RIMS1: variants seen among roughly 807,000 people sequenced by gnomAD.
RIMS1 encodes regulating synaptic membrane exocytosis protein 1.
A neutral mutation model predicts 214.1 loss-of-function variants in RIMS1; 83 were observed. The ratio of observed to expected loss-of-function variants is 0.39; its 90% confidence interval spans 0.32 to 0.47. RIMS1 has a LOEUF of 0.47. Ranked by LOEUF, RIMS1 falls within the 20% of genes least tolerant of loss-of-function variation. The probability of loss-of-function intolerance (pLI) is 0.99; values close to 1 mark genes in which losing one functional copy is unlikely to be tolerated. For synonymous variants in RIMS1, 793 were observed against 786.8 expected (o/e 1.01, Z -0.13); for missense variants, 2,050 against 2,161.8 (o/e 0.95, Z 1.03).
intron 19 of RIMS1, chr6:72,261,631 A>G: frequency 2.0e-6 from 2 of 985,324 alleles, no homozygotes; most frequent in Non-Finnish European, 2.4e-6. Flanking sequence ...ATTTTAGCCA[A>G]TAAAAAGCAA....
At chr6:72,188,004 G>A (rs894952281) in intron 6 of RIMS1, among the ~76,000 whole-genome samples, 2 of 152,200 alleles carry the variant, frequency 1.3e-5, no homozygotes, top group Admixed American at 1.3e-4. Flanking sequence ...GTGTTGGAGG[G>A]CAGGAAACAT....
At chr6:72,015,033 G>A (rs1015865088) in intron 2 of RIMS1, among the ~76,000 whole-genome samples, 1 of 152,064 alleles carries the variant, frequency 6.6e-6, no homozygotes, top group Non-Finnish European at 1.5e-5. Context: ...GACCAGAAGG[G>A]TTTTGCATTT....
intron 7 of RIMS1, among the ~76,000 whole-genome samples, chr6:72,234,915 T>C (rs2063434527): frequency 1.3e-5 from 2 of 152,116 alleles, no homozygotes; most frequent in South Asian, 4.1e-4. Context: ...TTTATGTTTG[T>C]TTTTATCACT....
intron 12 of RIMS1, among the ~76,000 whole-genome samples, chr6:72,248,839 T>C (rs1321812169): frequency 2.0e-5 from 3 of 152,200 alleles, no homozygotes; most frequent in Non-Finnish European, 4.4e-5. Flanking sequence ...AGAGAAGATA[T>C]ATGTAAGCTT....
chr6:72,307,980 C>T lies in RIMS1; in HGVS notation c.3963+610C>T, dbSNP rs190594388. On this transcript the variant is annotated intron_variant, in intron 27 of 33. Transcript: ENST00000521978. The stretch of plus-strand genomic sequence containing the variant: ...ACATAAATAAGCAAGATATATGAAG[C>T]CATTTTGTTGCTTGAACATTATTTA... 2.7e-3 allele frequency among the ~76,000 whole-genome samples: 407 copies of T among 151,868 alleles called. 1 individual carries two copies. Among genetic ancestry groups the T allele is most frequent in the Middle Eastern group, 6.8e-3 (2 of 294 alleles).
intron 2 of RIMS1, among the ~76,000 whole-genome samples, chr6:72,016,783 T>A (rs910304448): frequency 5.9e-5 from 9 of 152,194 alleles, no homozygotes; most frequent in African/African-American, 2.2e-4. Context: ...CAGTTGTACA[T>A]TTATGTGAAC....
intron 27 of RIMS1, among the ~76,000 whole-genome samples, chr6:72,308,077 T>C (rs2095319810): frequency 6.6e-6 from 1 of 152,142 alleles, no homozygotes; most frequent in Non-Finnish European, 1.5e-5. Flanking sequence ...ATTTGACTAT[T>C]GATATTTGTG....
chr6:72,119,212 A>G (rs2037710327), intron 4 of RIMS1, among the ~76,000 whole-genome samples: 1 of 151,616 alleles, frequency 6.6e-6, no homozygotes, highest in Admixed American at 6.6e-5. Flanking sequence ...AAAGACCTCA[A>G]TCCCTTTCAC....
intron 23 of RIMS1, among the ~76,000 whole-genome samples, chr6:72,274,941 T>C (rs1474991307): frequency 6.6e-6 from 1 of 151,548 alleles, no homozygotes; most frequent in East Asian, 1.9e-4. Context: ...ATAAATATTG[T>C]ATTGTTAAAC....
At chr6:71,900,568 G>T (rs1773290514) in intron 1 of RIMS1, among the ~76,000 whole-genome samples, 1 of 152,022 alleles carries the variant, frequency 6.6e-6, no homozygotes, top group African/African-American at 2.4e-5. Flanking sequence ...CAGAAACTTT[G>T]GTGGTGATGG....
chr6:72,338,385 A>G (rs531171481), intron 29 of RIMS1, among the ~76,000 whole-genome samples: 17 of 152,056 alleles, frequency 1.1e-4, no homozygotes, highest in East Asian at 3.9e-4. Context: ...AACCTAGGCA[A>G]TGCCATTCAG....
Position 72,369,745 on chromosome 6 carries a change from A to C in RIMS1, c.4367-20853A>C, listed in dbSNP as rs1161911567. Among the ~76,000 whole-genome samples the C allele has an allele frequency of 2.0e-5, 3 of 152,248 alleles. No individual in the cohort carries two copies. The East Asian group carries it at 5.8e-4, about 29-fold the overall frequency. On this transcript the variant is annotated intron_variant, in intron 29 of 33. Transcript: ENST00000521978. ...GATTGAAACCCCCAATTAACTGGCA[A>C]CAGTAGCCTGGCCAAGTTGACACAT... is the stretch of plus-strand genomic sequence containing the variant.
At chr6:72,004,380 T>C (rs1253736404) in intron 2 of RIMS1, among the ~76,000 whole-genome samples, 1 of 152,152 alleles carries the variant, frequency 6.6e-6, no homozygotes, top group Non-Finnish European at 1.5e-5. Flanking sequence ...TTTGGGTATA[T>C]ACCCAGTAAT....
chr6:72,013,986 G>A (rs985675634), intron 2 of RIMS1, among the ~76,000 whole-genome samples: 1 of 151,916 alleles, frequency 6.6e-6, no homozygotes. Flanking sequence ...CACAATATAT[G>A]GTCTTTTATG....
rs2098840948 is a variant in RIMS1, at chr6:72,402,495, C to A, written c.*1781C>A. 1 of 152,576 alleles carries A rather than the reference C, an allele frequency of 6.6e-6. No individual in the cohort carries two copies. The highest frequency in any genetic ancestry group is 1.9e-4 in the East Asian group (1 of 5,192). The allele number at this position is 152,576 out of a possible 1,614,324, so 9.5% of individuals were successfully genotyped here. Reference sequence around the variant, plus strand: ...AACACATGTAGACACTGTGTACACACTAGGTTTTAATTCATAGACATACTG... The same window carrying A: ...AACACATGTAGACACTGTGTACACAATAGGTTTTAATTCATAGACATACTG... On this transcript the variant is annotated 3_prime_UTR_variant, in exon 34 of 34. Transcript: ENST00000521978.
Position 72,179,662 on chromosome 6 carries a change from A to G in RIMS1, c.559A>G (p.Thr187Ala). 6.2e-7 allele frequency: 1 copy of G among 1,613,996 alleles called. No individual in the cohort carries two copies. Among genetic ancestry groups the G allele is most frequent in the Non-Finnish European group, 8.5e-7 (1 of 1,179,878 alleles). ...AWFFGSGPQQ[T>A]SQDGTLSDTA... The stretch of plus-strand genomic sequence containing the variant: ...GTTCTTTGGAAGTGGCCCTCAGCAG[A>G]CAAGTCAGGATGGAACCCTGAGTGA... The change falls in exon 5 of 34, where the codon ACA becomes GCA. Residue 187 changes from threonine (T) to alanine (A), a missense_variant. By Grantham distance (58) the Thr-to-Ala change is moderately conservative. Around this residue, in one of 6 missense-constraint regions of RIMS1, gnomAD observed 882 missense variants for 828.9 expected, o/e 1.06. Coordinates refer to ENST00000521978, the MANE Select transcript of RIMS1 (RefSeq NM_014989.7).
At chr6:71,928,735 T>A (rs1321971455) in intron 1 of RIMS1, among the ~76,000 whole-genome samples, 1 of 152,128 alleles carries the variant, frequency 6.6e-6, no homozygotes, top group Non-Finnish European at 1.5e-5. Context: ...CATATTAGAT[T>A]TTAAAAGTCT....
chr6:72,271,275 AAAAAAAAAAAAATATAT>A (rs2083000433), intron 22 of RIMS1, among the ~76,000 whole-genome samples: 1 of 61,640 alleles, frequency 1.6e-5, no homozygotes, highest in Non-Finnish European at 3.1e-5. Flanking sequence ...CAAGGAAAAA[AAAAAAAAAAAAATATAT>A]ATATATATAT....
rs576989068 is a variant in RIMS1, at chr6:71,983,844, T to A, written c.245+14781T>A. On this transcript the variant is annotated intron_variant, in intron 2 of 33. Transcript: ENST00000521978. ...CAAACCATCTTGTATATTTAAAAGA[T>A]GTTCTTTCTTAAATTCCATTTTTAT... Among the ~76,000 whole-genome samples the A allele has an allele frequency of 2.6e-5, 4 of 152,332 alleles. No individual in the cohort carries two copies. In the South Asian group the frequency reaches 6.2e-4, roughly 24 times the overall value.
Sources: allele counts gnomAD v4.1 joint callset (sites outside exome capture counted in the v4.1 genomes callset), GRCh38; gene constraint gnomAD v4.1.1; regional missense constraint gnomAD v4.1.1; transcripts MANE v1.5; gene names NCBI Gene and HGNC (gene_info 2026-07-23, HGNC 2026-07-21).